Variants in PALB2 observed in about 807,000 individuals in gnomAD.
PALB2 encodes the protein mutant partner and localizer of BRCA2.
A neutral mutation model predicts 107.4 loss-of-function variants in PALB2; 82 were observed. The observed-to-expected ratio is 0.76, with a 90% CI of 0.64 to 0.92. The LOEUF is 0.92. PALB2 is among the 40% of genes least tolerant of loss of function. The pLI is 0.00. For missense variants in PALB2, 1,374 were observed against 1,379.9 expected, an observed-to-expected ratio of 1.00 and a Z score of 0.07; for synonymous variants, 489 against 496.8, an observed-to-expected ratio of 0.98 and a Z score of 0.21.
chr16:23,639,170 G>C (rs1238844305), intron 1 of PALB2, among the ~76,000 whole-genome samples: 3 of 152,070 alleles, frequency 2.0e-5, no homozygotes, highest in Non-Finnish European at 4.4e-5. Context: ...CTTTTTAGCT[G>C]TACTCATCTT....
chr16:23,615,946 G>A (rs1484070233), intron 10 of PALB2, among the ~76,000 whole-genome samples: 1 of 152,182 alleles, frequency 6.6e-6, no homozygotes, highest in Non-Finnish European at 1.5e-5. Flanking sequence ...TTACAGGCGT[G>A]AGCCACCGCG....
intron 6 of PALB2, 82 bp from the exon 7 acceptor site, chr16:23,626,479 ATAATTCAATGAAACAG>A (rs1347434810): frequency 1.6e-5 from 24 of 1,517,478 alleles, no homozygotes; most frequent in Non-Finnish European, 2.2e-5. Flanking sequence ...GTGATGAATT[ATAATTCAATGAAACAG>A]TAGGTATGTA....
rs2142352787 is a variant in PALB2, at chr16:23,626,229, C to T, written c.2748+7G>A. The T allele has an allele frequency of 6.2e-7, 1 of 1,614,200 alleles. No individual in the cohort carries two copies. The highest frequency in any genetic ancestry group is 8.5e-7 in the Non-Finnish European group (1 of 1,180,032). ...AAGATCTCTTTCAGCTCGAGATTCC[C>T]ACTTACCTCTGCGAAGTGCCAGGTA... On this transcript the variant is annotated splice_region_variant and intron_variant, in intron 7 of 12. Transcript: ENST00000261584.
intron 12 of PALB2, among the ~76,000 whole-genome samples, chr16:23,604,696 G>T (rs573650192): frequency 5.9e-5 from 9 of 152,148 alleles, no homozygotes; most frequent in African/African-American, 9.6e-5. Context: ...AACATGGGAG[G>T]TGGAGGTTGC....
At chr16:23,610,213 G>A (rs372355316) in intron 11 of PALB2, among the ~76,000 whole-genome samples, 2 of 152,204 alleles carry the variant, frequency 1.3e-5, no homozygotes, top group South Asian at 4.1e-4. Flanking sequence ...AGATTGTAAG[G>A]CCAGCACAGC....
At chr16:23,631,329 C>A (rs188646848) in intron 4 of PALB2, among the ~76,000 whole-genome samples, 1 of 143,328 alleles carries the variant, frequency 7.0e-6, no homozygotes, top group African/African-American at 2.6e-5. Flanking sequence ...ATTAGCTGGG[C>A]ATGGTGGTGC....
At position 23,638,102 on chromosome 16, in the gene PALB2, T is replaced by A. The variant is rs2142460618; in HGVS notation, c.76A>T (p.Arg26Trp). 6.2e-7 allele frequency: 1 copy of A among 1,613,956 alleles called. No homozygotes were observed. Among genetic ancestry groups the A allele is most frequent in the Non-Finnish European group, 8.5e-7 (1 of 1,179,834 alleles). Residue 26 changes from arginine to tryptophan, a missense_variant, in exon 2 of 13, where the codon AGG (arginine) becomes TGG (tryptophan). Physicochemically the swap from Arg to Trp is moderately radical, Grantham distance 101. Transcript: ENST00000261584. ...CGGGCTAGTGTCTTGCTGTATTCCC[T>A]TTTCAAGAATGCTAATTTCTCCTTT... The part of the protein sequence containing the change: ...KLKEKLAFLK[R>W]EYSKTLARLQ...
rs373687615 is a variant in PALB2 at position 23,627,412 on chromosome 16, G to A, written c.2587-1015C>T. On this transcript the variant is annotated intron_variant, in intron 6 of 12. Coordinates refer to ENST00000261584, the MANE Select transcript of PALB2 (RefSeq NM_024675.4). ...TGAGGCAGGAGAATGGCGTGAACCC[G>A]GGAAGCGGAGCTTGCAGTGAGCCGA... Among the ~76,000 whole-genome samples, 77 of 151,160 alleles carry A rather than the reference G, an allele frequency of 5.1e-4. 1 individual carries two copies. Among genetic ancestry groups the A allele is most frequent in the East Asian group, 9.7e-4 (5 of 5,136 alleles).
chr16:23,611,135 T>C (rs922273330), intron 11 of PALB2, among the ~76,000 whole-genome samples: 1 of 151,940 alleles, frequency 6.6e-6, no homozygotes, highest in Non-Finnish European at 1.5e-5. Context: ...AATCTATCTA[T>C]TCGTTGTTGT....
rs1567221690 is a variant in PALB2, at chr16:23,635,485, GA to G, written c.1060del (p.Ser354LeufsTer2). 6.2e-7 allele frequency: 1 copy of G among 1,614,092 alleles called. No homozygotes were observed. On this transcript the variant is annotated frameshift_variant, in exon 4 of 13. Transcript: ENST00000261584. LOFTEE classifies it high-confidence loss of function. ...NLKEQNQTEK[S>X]LKSPSDTLDG... ...AAGAGTGTCACTGGGAGATTTTAAA[GA>G]TTTCTCTGTTTGATTTTGTTCTTTT...
chr16:23,603,629 T>C lies in PALB2; in HGVS notation c.3391A>G (p.Ile1131Val), dbSNP rs774517454. ...GDVKDHCAAA[I>V]LTSGTIAIWD... ...ATGGCAATTGTTCCAGAAGTCAAGA[T>C]TGCTGCTGCACAGTGATCTTTCACG... The change falls in exon 13 of 13, where the codon ATC becomes GTC. Residue 1131 changes from isoleucine to valine, a missense_variant. Ile to Val is a conservative substitution (Grantham distance 29). Transcript: ENST00000261584. 6 of 1,613,876 alleles carry C rather than the reference T, an allele frequency of 3.7e-6. No individual in the cohort carries two copies. In the African/African-American group the frequency reaches 5.3e-5, roughly 14 times the overall value.
In PALB2 at chr16:23,634,966, C is replaced by T. The variant is rs1555461206; in HGVS notation, c.1580G>A (p.Cys527Tyr). 1 of 1,614,184 alleles carries T rather than the reference C, an allele frequency of 6.2e-7. No homozygotes were observed. Among genetic ancestry groups the T allele is most frequent in the African/African-American group, 1.3e-5 (1 of 75,044 alleles). Reference protein sequence around the residue: ...KSACTPASDHCEPLLPTSSLS... With the variant: ...KSACTPASDHYEPLLPTSSLS... Reference sequence around the variant, plus strand: ...GCTAGAAGTTGGCAAAAGTGGTTCACAATGATCTGATGCTGGGGTGCAGGC... The same window carrying T: ...GCTAGAAGTTGGCAAAAGTGGTTCATAATGATCTGATGCTGGGGTGCAGGC... The change falls in exon 4 of 13, where the codon TGT becomes TAT. Residue 527 changes from cysteine to tyrosine, a missense_variant. Physicochemically the swap from Cys to Tyr is radical, Grantham distance 194. Coordinates refer to ENST00000261584, the MANE Select transcript of PALB2 (RefSeq NM_024675.4).
chr16:23,636,662 T>C (rs1209055305), intron 3 of PALB2, among the ~76,000 whole-genome samples: 1 of 152,198 alleles, frequency 6.6e-6, no homozygotes, highest in East Asian at 1.9e-4. Flanking sequence ...ATCTATGAAA[T>C]TTTAAGTACA....
Position 23,638,208 on chromosome 16 carries a change from G to C in PALB2, c.49-79C>G, listed in dbSNP as rs1307068102. The C allele has an allele frequency of 2.0e-5, 24 of 1,182,546 alleles. No homozygotes were observed. The East Asian group carries it at 5.6e-4, about 28-fold the overall frequency. 73.3% of individuals were successfully genotyped at this position (1,182,546 alleles called of 1,614,324 possible). A position where few individuals can be genotyped will look rare whatever the true frequency, so the allele number is the denominator to read the frequency against. On this transcript the variant is annotated intron_variant, in intron 1 of 12. Coordinates refer to ENST00000261584, the MANE Select transcript of PALB2 (RefSeq NM_024675.4). Reference sequence around the variant, plus strand: ...GGGAAGGGATGCAGTGCTTGGCGGGGTCCCTTGGCAAGAGGCAGGGAGTAG... The same window carrying C: ...GGGAAGGGATGCAGTGCTTGGCGGGCTCCCTTGGCAAGAGGCAGGGAGTAG...
chr16:23,622,867 C>T, intron 9 of PALB2, 102 bp downstream of exon 9: 1 of 1,336,744 alleles, frequency 7.5e-7, no homozygotes, highest in African/African-American at 1.4e-5. Context: ...TATTACACCC[C>T]CAGCACAGAA....
At chr16:23,631,318 A>G (rs552964894) in intron 4 of PALB2, among the ~76,000 whole-genome samples, 2 of 149,766 alleles carry the variant, frequency 1.3e-5, no homozygotes, top group South Asian at 4.2e-4. Flanking sequence ...AAACTAAAAA[A>G]ATTAGCTGGG....
At chr16:23,628,755 T>G (rs1240576733) in intron 6 of PALB2, among the ~76,000 whole-genome samples, 1 of 152,138 alleles carries the variant, frequency 6.6e-6, no homozygotes, top group Non-Finnish European at 1.5e-5. Flanking sequence ...TCCCTCAGCC[T>G]CCCTAGCAGC....
intron 6 of PALB2, among the ~76,000 whole-genome samples, chr16:23,628,692 G>A (rs1174162934): frequency 6.6e-6 from 1 of 152,104 alleles, no homozygotes; most frequent in Non-Finnish European, 1.5e-5. Flanking sequence ...CTGGAGTGCA[G>A]TGGTAAGATC....
At chr16:23,623,664 C>T (rs958719596) in intron 8 of PALB2, among the ~76,000 whole-genome samples, 1 of 151,772 alleles carries the variant, frequency 6.6e-6, no homozygotes, top group Non-Finnish European at 1.5e-5. Flanking sequence ...TAGGCACCCG[C>T]AGGTGCTATA....
Sources: allele counts gnomAD v4.1 joint callset (sites outside exome capture counted in the v4.1 genomes callset), GRCh38; gene constraint gnomAD v4.1.1; transcripts MANE v1.5; gene names NCBI Gene and HGNC (gene_info 2026-07-23, HGNC 2026-07-21).